The following KPNA6 variants were observed in gnomAD, a reference collection of about 807,000 sequenced individuals.
KPNA6 encodes the protein karyopherin subunit alpha 6.
In KPNA6, 9 loss-of-function variants were observed where a neutral mutation model predicts 72.0. The observed-to-expected ratio is 0.13, with a 90% confidence interval of 0.08 to 0.22. The LOEUF (loss-of-function observed/expected upper bound fraction) is 0.22. KPNA6 is among the 10% of genes least tolerant of loss of function. KPNA6 has a pLI of 1.00. For missense variants in KPNA6, 374 were observed against 655.7 expected, an observed-to-expected ratio of 0.57 and a Z score of 4.69; for synonymous variants, 219 against 242.1, an observed-to-expected ratio of 0.90 and a Z score of 0.89.
chr1:32,156,574 G>A (rs1264358539), intron 2 of KPNA6, among the ~76,000 whole-genome samples: 1 of 152,192 alleles, frequency 6.6e-6, no homozygotes, highest in South Asian at 2.1e-4. Flanking sequence ...GAACAAGATA[G>A]CGTGAAACTT....
rs1642462324 is a variant in KPNA6 at position 32,172,860 on chromosome 1, T to C, written c.*1966T>C. 2.6e-6 allele frequency: 1 copy of C among 380,264 alleles called. No individual in the cohort carries two copies. The highest frequency in any genetic ancestry group is 2.1e-5 in the African/African-American group (1 of 48,116). 23.6% of individuals were successfully genotyped at this position (380,264 alleles called of 1,614,324 possible). On this transcript the variant is annotated 3_prime_UTR_variant, in exon 14 of 14. Coordinates refer to ENST00000373625, the MANE Select transcript of KPNA6 (RefSeq NM_012316.5). ...GCTTCTATTGCTACACATCTCCTTC[T>C]GGCTCAGGTGAAATCCATGCCCTTC...
At chr1:32,148,790 C>G (rs1195040866) in intron 1 of KPNA6, among the ~76,000 whole-genome samples, 1 of 151,998 alleles carries the variant, frequency 6.6e-6, no homozygotes, top group Non-Finnish European at 1.5e-5. Context: ...AACATCTGAC[C>G]TTGTGATCCA....
At chr1:32,139,230 A>G (rs980107298) in intron 1 of KPNA6, among the ~76,000 whole-genome samples, 1 of 152,144 alleles carries the variant, frequency 6.6e-6, no homozygotes, top group Non-Finnish European at 1.5e-5. Context: ...TCCTATGGAG[A>G]GCAGATGGAT....
intron 11 of KPNA6, 151 bp from the exon 12 acceptor site, chr1:32,167,018 C>T (rs1642351736): frequency 2.3e-6 from 2 of 865,050 alleles, no homozygotes; most frequent in African/African-American, 1.7e-5. Flanking sequence ...CTGGGTTCTT[C>T]TGTAGTAGCC....
At chr1:32,126,987 A>C (rs1267505195) in intron 1 of KPNA6, among the ~76,000 whole-genome samples, 1 of 152,196 alleles carries the variant, frequency 6.6e-6, no homozygotes, top group African/African-American at 2.4e-5. Context: ...TAGGCCTTTC[A>C]CTACAGGAGG....
At chr1:32,125,143 TCTTAA>T (rs1429295281) in intron 1 of KPNA6, among the ~76,000 whole-genome samples, 4 of 152,210 alleles carry the variant, frequency 2.6e-5, no homozygotes, top group Admixed American at 6.6e-5. Flanking sequence ...CCTCACCTGG[TCTTAA>T]CTTAATTTTT....
Position 32,174,591 on chromosome 1 carries a change from C to G in KPNA6, c.*3697C>G, listed in dbSNP as rs1466128561. 3 of 152,224 alleles carry G rather than the reference C, an allele frequency of 2.0e-5. No homozygotes were observed. The highest frequency in any genetic ancestry group is 4.4e-5 in the Non-Finnish European group (3 of 68,060). 9.4% of individuals were successfully genotyped at this position (152,224 alleles called of 1,614,324 possible). A position where few individuals can be genotyped will look rare whatever the true frequency, so the allele number is the denominator to read the frequency against. ...TCAGGCCTCTCTTCTCCCCTAGACTCACTCAGCTTGGTATCCATCATCTTG... is the reference window on the plus strand; with the variant it reads ...TCAGGCCTCTCTTCTCCCCTAGACTGACTCAGCTTGGTATCCATCATCTTG... On this transcript the variant is annotated 3_prime_UTR_variant, in exon 14 of 14. Coordinates refer to ENST00000373625, the MANE Select transcript of KPNA6 (RefSeq NM_012316.5).
intron 1 of KPNA6, among the ~76,000 whole-genome samples, chr1:32,139,761 A>G (rs1289647262): frequency 2.6e-5 from 4 of 152,206 alleles, no homozygotes; most frequent in African/African-American, 9.6e-5. Context: ...GCAGATACAT[A>G]CTGAAATGTG....
rs1641486318 is a variant in KPNA6 at position 32,124,039 on chromosome 1, A to C, written c.4+15905A>C. ...CAGAGCAAGACTCTGTCTCAAAAAA[A>C]AAAAAAAAAAAAAAAAGGAATGACT... is the stretch of plus-strand genomic sequence containing the variant. On this transcript the variant is annotated intron_variant, in intron 1 of 13. Coordinates refer to ENST00000373625, the MANE Select transcript of KPNA6 (RefSeq NM_012316.5). Among the ~76,000 whole-genome samples the C allele has an allele frequency of 2.0e-5, 3 of 150,312 alleles. No individual in the cohort carries two copies. In the South Asian group the frequency reaches 6.3e-4, roughly 32 times the overall value.
intron 1 of KPNA6, among the ~76,000 whole-genome samples, chr1:32,149,325 C>A (rs1421457009): frequency 1.3e-5 from 2 of 151,996 alleles, no homozygotes; most frequent in Admixed American, 6.6e-5. Context: ...ATATTTAGGA[C>A]AGTTGTTTTA....
At chr1:32,114,441 C>CAA (rs1251610614) in intron 1 of KPNA6, among the ~76,000 whole-genome samples, 1,417 of 135,252 alleles carry the variant, frequency 0.01, 22 homozygotes, top group African/African-American at 0.035. Context: ...AACTCTGTCT[C>CAA]AAAAAAAAAA....
intron 1 of KPNA6, among the ~76,000 whole-genome samples, chr1:32,149,533 G>A (rs1445722675): frequency 2.0e-5 from 3 of 152,264 alleles, no homozygotes; most frequent in African/African-American, 7.2e-5. Context: ...GCTAGGAATG[G>A]TTTCTACTTT....
At chr1:32,125,634 C>A (rs1448975122) in intron 1 of KPNA6, among the ~76,000 whole-genome samples, 2 of 149,762 alleles carry the variant, frequency 1.3e-5, no homozygotes, top group East Asian at 4.0e-4. Context: ...GGGCTACGCA[C>A]CATTCTAACG....
At chr1:32,113,113 G>A (rs895010096) in intron 1 of KPNA6, among the ~76,000 whole-genome samples, 4 of 152,038 alleles carry the variant, frequency 2.6e-5, no homozygotes, top group East Asian at 1.9e-4. Context: ...TAAATCTGCC[G>A]GTCTTGGTGG....
chr1:32,171,005 G>A lies in KPNA6; in HGVS notation c.*111G>A. 3 of 930,974 alleles carry A rather than the reference G, an allele frequency of 3.2e-6. No homozygotes were observed. The highest frequency in any genetic ancestry group is 3.3e-6 in the Non-Finnish European group (2 of 602,050). The allele number at this position is 930,974 out of a possible 1,614,324, so 57.7% of individuals were successfully genotyped here. On this transcript the variant is annotated 3_prime_UTR_variant, in exon 14 of 14. Coordinates refer to ENST00000373625, the MANE Select transcript of KPNA6 (RefSeq NM_012316.5). The stretch of plus-strand genomic sequence containing the variant: ...CCACCATCAGCCACCACACACCTCT[G>A]CTGCCCTGGAGACTGTGCTCTTGAC...
At chr1:32,159,318 G>A (rs1642196905) in intron 5 of KPNA6, 82 bp from the exon 6 acceptor site, 3 of 1,437,278 alleles carry the variant, frequency 2.1e-6, no homozygotes, top group Non-Finnish European at 2.8e-6. Flanking sequence ...ATGGGCAGGA[G>A]GCTTACTGTT....
chr1:32,168,228 T>C (rs183650274), intron 12 of KPNA6, among the ~76,000 whole-genome samples: 1 of 152,338 alleles, frequency 6.6e-6, no homozygotes, highest in East Asian at 1.9e-4. Context: ...AAGAAGCGAA[T>C]AGAAAGCTAT....
rs1199844617 is a variant in KPNA6, at chr1:32,176,348, CAAT to C, written c.*5457_*5459del. Reference sequence around the variant, plus strand: ...TCATTTGCTTTTATTTTTCTAATAACAATAAACTCTATTTTCCATGTTCTCAGG... The same window carrying C: ...TCATTTGCTTTTATTTTTCTAATAACAAACTCTATTTTCCATGTTCTCAGG... On this transcript the variant is annotated 3_prime_UTR_variant, in exon 14 of 14. Transcript: ENST00000373625. 1.3e-5 allele frequency: 2 copies of C among 152,050 alleles called. No homozygotes were observed. Among genetic ancestry groups the C allele is most frequent in the African/African-American group, 2.4e-5 (1 of 41,380 alleles). The allele number at this position is 152,050 out of a possible 1,614,324, so 9.4% of individuals were successfully genotyped here. A position where few individuals can be genotyped will look rare whatever the true frequency, so the allele number is the denominator to read the frequency against.
At chr1:32,167,130 C>G in intron 11 of KPNA6, 39 bp from the exon 12 acceptor site, 1 of 1,605,360 alleles carries the variant, frequency 6.2e-7, no homozygotes, top group Non-Finnish European at 8.5e-7. Context: ...GCTGAAATGA[C>G]TTTCTCCTTC....
Sources: gnomAD v4.1 joint callset for allele counts (sites outside exome capture counted in the v4.1 genomes callset) on GRCh38, gnomAD v4.1.1 for gene constraint, MANE v1.5 for transcripts, NCBI Gene and HGNC (gene_info 2026-07-23, HGNC 2026-07-21) for gene names.